The following INSR variants were observed in gnomAD, a reference collection of about 807,000 sequenced individuals.
INSR encodes the protein IR.
INSR carries 67 observed loss-of-function variants against 142.6 expected under a neutral mutation model. The observed-to-expected ratio is 0.47, with a 90% CI of 0.39 to 0.58. The LOEUF is 0.58. Among genes scored for constraint, INSR ranks in the 20% least tolerant of loss-of-function variants. INSR has a pLI of 0.00. For synonymous variants in INSR, 756 were observed against 743.1 expected, an observed-to-expected ratio of 1.02 and a Z score of -0.28; for missense variants, 1,248 against 1,833.2, an observed-to-expected ratio of 0.68 and a Z score of 5.83.
rs778506783 is a variant in INSR, at chr19:7,122,789, G to C, written c.3370-16C>G. The C allele has an allele frequency of 5.0e-6, 8 of 1,613,908 alleles. No individual in the cohort carries two copies. The highest frequency in any genetic ancestry group is 4.0e-5 in the African/African-American group (3 of 74,930). ...CAGGATTATTCTAAAACAGAAACAC[G>C]GGGTTGGTGTTTCAGCAGCACTGGG... On this transcript the variant is annotated splice_polypyrimidine_tract_variant and intron_variant, in intron 18 of 21. Transcript: ENST00000302850.
At chr19:7,223,446 G>T (rs1975683810) in intron 2 of INSR, among the ~76,000 whole-genome samples, 1 of 152,152 alleles carries the variant, frequency 6.6e-6, no homozygotes. Flanking sequence ...GAAACGCAGG[G>T]TTACCTGGGC....
At chr19:7,182,264 G>A (rs1974293794) in intron 3 of INSR, among the ~76,000 whole-genome samples, 1 of 152,104 alleles carries the variant, frequency 6.6e-6, no homozygotes, top group East Asian at 1.9e-4. Context: ...GAACCCGGGA[G>A]GCTGAGTTGC....
intron 2 of INSR, among the ~76,000 whole-genome samples, chr19:7,257,380 T>G (rs1443639001): frequency 6.6e-6 from 1 of 152,034 alleles, no homozygotes; most frequent in African/African-American, 2.4e-5. Context: ...ACATCATGAT[T>G]TCCAGGTGCT....
rs199750451 is a variant in INSR, at chr19:7,184,661, G to GA, written c.653-25_653-24insT. ...AACTGGAGAGAGAGAGAGAGAGAGA[G>GA]GGAAATAAATAAATAAATAAATAAA... On this transcript the variant is annotated intron_variant, in intron 2 of 21. Coordinates refer to ENST00000302850, the MANE Select transcript of INSR (RefSeq NM_000208.4). 83 of 1,294,292 alleles carry GA rather than the reference G, an allele frequency of 6.4e-5. No individual in the cohort carries two copies. The African/African-American group carries it at 9.7e-4, about 15-fold the overall frequency. The allele number at this position is 1,294,292 out of a possible 1,614,324, so 80.2% of individuals were successfully genotyped here. A position where few individuals can be genotyped will look rare whatever the true frequency, so the allele number is the denominator to read the frequency against.
chr19:7,215,931 T>C (rs1267406828), intron 2 of INSR, among the ~76,000 whole-genome samples: 1 of 152,044 alleles, frequency 6.6e-6, no homozygotes. Context: ...TCTCTGAACA[T>C]ATTCGAATCA....
intron 2 of INSR, among the ~76,000 whole-genome samples, chr19:7,249,828 T>C (rs1162060690): frequency 1.3e-5 from 2 of 151,962 alleles, no homozygotes; most frequent in African/African-American, 2.4e-5. Context: ...CCGTCTCTAC[T>C]AAAAATACAA....
At chr19:7,154,578 A>T (rs1175476277) in intron 9 of INSR, among the ~76,000 whole-genome samples, 1 of 149,100 alleles carries the variant, frequency 6.7e-6, no homozygotes, top group African/African-American at 2.4e-5. Flanking sequence ...CTGGGATTAC[A>T]GGCGTGAGCC....
rs1975739201 is a variant in INSR at position 7,225,086 on chromosome 19, A to G, written c.653-40449T>C. ...AGGTTGTGGCCACATGCTGTGTAACACTTAGAGTTTCCTATGCACCCAGCA... is the reference window on the plus strand; with the variant it reads ...AGGTTGTGGCCACATGCTGTGTAACGCTTAGAGTTTCCTATGCACCCAGCA... On this transcript the variant is annotated intron_variant, in intron 2 of 21. Transcript: ENST00000302850. The surrounding 1 kb of genome is among the most constrained non-coding windows in gnomAD (Gnocchi z 4.7). Among the ~76,000 whole-genome samples, 1 of 152,112 alleles carries G rather than the reference A, an allele frequency of 6.6e-6. No homozygotes were observed.
chr19:7,247,219 C>T (rs568140334), intron 2 of INSR, among the ~76,000 whole-genome samples: 2 of 152,278 alleles, frequency 1.3e-5, no homozygotes, highest in Non-Finnish European at 1.5e-5. Flanking sequence ...GGGTTCTCTC[C>T]CACGGCCCCT....
chr19:7,117,446 G>T (rs1292963113), intron 21 of INSR, 36 bp from the exon 22 acceptor site: 33 of 1,537,852 alleles, frequency 2.1e-5, no homozygotes, highest in Non-Finnish European at 2.9e-5. Flanking sequence ...GGTGAGTCTG[G>T]GGGCCCTGCC....
At chr19:7,146,390 T>C (rs1240321067) in intron 11 of INSR, among the ~76,000 whole-genome samples, 1 of 151,932 alleles carries the variant, frequency 6.6e-6, no homozygotes, top group Non-Finnish European at 1.5e-5. Context: ...TACAGGCGTG[T>C]GCCACCATGT....
chr19:7,139,516 GA>G (rs1341193210), intron 13 of INSR, among the ~76,000 whole-genome samples: 4 of 152,212 alleles, frequency 2.6e-5, no homozygotes, highest in Admixed American at 6.5e-5. Flanking sequence ...AAAGGCAGAG[GA>G]AAGTAACTCA....
intron 2 of INSR, among the ~76,000 whole-genome samples, chr19:7,251,817 T>C (rs1976738231): frequency 6.6e-6 from 1 of 152,064 alleles, no homozygotes; most frequent in Admixed American, 6.6e-5. Flanking sequence ...GCTATTCATT[T>C]GTTTGGTGTG....
At chr19:7,172,781 C>A (rs146914574) in intron 4 of INSR, among the ~76,000 whole-genome samples, 4 of 151,776 alleles carry the variant, frequency 2.6e-5, no homozygotes, top group Admixed American at 6.6e-5. Flanking sequence ...GCCTGTAATA[C>A]CAGCACCTTG....
chr19:7,117,558 C>T, intron 21 of INSR, 148 bp from the exon 22 acceptor site: 1 of 625,464 alleles, frequency 1.6e-6, no homozygotes, highest in South Asian at 2.0e-5. Flanking sequence ...ATTGTCAAGG[C>T]AGAAATAGCA....
chr19:7,119,897 TACACACACAAAC>T lies in INSR; in HGVS notation c.3660-326_3660-315del, dbSNP rs150710908. ...ACACAAACACACATATGCACACACA[TACACACACAAAC>T]ACACACACAAACACATCTCTTGGTT... On this transcript the variant is annotated intron_variant, in intron 20 of 21. Transcript: ENST00000302850. The surrounding 1 kb of genome is among the most constrained non-coding windows in gnomAD (Gnocchi z 5.2). Among the ~76,000 whole-genome samples the T allele has an allele frequency of 0.085, 12,901 of 151,196 alleles. 612 individuals carry two copies. The highest frequency in any genetic ancestry group is 0.095 in the Non-Finnish European group (6,428 of 67,764).
Position 7,141,575 on chromosome 19 carries a change from G to A in INSR, c.2682+102C>T. 2.0e-6 allele frequency: 3 copies of A among 1,522,038 alleles called. No homozygotes were observed. In the South Asian group the frequency reaches 3.5e-5, roughly 18 times the overall value. The allele number at this position is 1,522,038 out of a possible 1,614,324, so 94.3% of individuals were successfully genotyped here. A position where few individuals can be genotyped will look rare whatever the true frequency, so the allele number is the denominator to read the frequency against. On this transcript the variant is annotated intron_variant, in intron 13 of 21. Transcript: ENST00000302850. ...AATAGCACAGTACCTGATGAGAGAA[G>A]CACTGGAATCAAAATTTCAGCAGAG...
In INSR at chr19:7,141,825, A is replaced by G. The variant is rs747872065; in HGVS notation, c.2543-9T>C. 5.2e-5 allele frequency: 84 copies of G among 1,609,708 alleles called. No homozygotes were observed. The highest frequency in any genetic ancestry group is 2.1e-4 in the South Asian group (19 of 90,938). On this transcript the variant is annotated splice_polypyrimidine_tract_variant and intron_variant, in intron 12 of 21. Transcript: ENST00000302850. The stretch of plus-strand genomic sequence containing the variant: ...AATGTCATCAGCCTTGGCTGTAAGG[A>G]GAGGAAGTGAGAGGCAGGGATGTAA...
intron 13 of INSR, among the ~76,000 whole-genome samples, chr19:7,137,965 T>C (rs1599889899): frequency 1.4e-5 from 2 of 144,680 alleles, no homozygotes; most frequent in Non-Finnish European, 3.0e-5. Flanking sequence ...TTTTTCTTTT[T>C]CTTTTTTTTT....
Sources: allele counts gnomAD v4.1 joint callset (sites outside exome capture counted in the v4.1 genomes callset), GRCh38; gene constraint gnomAD v4.1.1; non-coding constraint Gnocchi (gnomAD v3.1); transcripts MANE v1.5; gene names NCBI Gene and HGNC (gene_info 2026-07-23, HGNC 2026-07-21).